ROBO2: variants seen among roughly 807,000 people sequenced by gnomAD.
ROBO2 encodes roundabout guidance receptor 2.
In ROBO2, 53 loss-of-function variants were observed where a neutral mutation model predicts 160.8. That is an observed-to-expected ratio of 0.33 (90% CI 0.26 to 0.41). ROBO2 has a LOEUF of 0.41. Among genes scored for constraint, ROBO2 ranks in the 10% least tolerant of loss-of-function variants. The pLI is 1.00. For synonymous variants in ROBO2, 664 were observed against 611.7 expected, an observed-to-expected ratio of 1.09 and a Z score of -1.26; for missense variants, 1,577 against 1,722.4, an observed-to-expected ratio of 0.92 and a Z score of 1.49.
chr3:76,817,555 G>C (rs1559552072), intron 2 of ROBO2, among the ~76,000 whole-genome samples: 14 of 151,952 alleles, frequency 9.2e-5, no homozygotes, highest in Admixed American at 9.2e-4. Context: ...ACATGAATAA[G>C]TTTTTGGTGG....
intron 2 of ROBO2, among the ~76,000 whole-genome samples, chr3:76,576,426 C>A (rs1177853269): frequency 6.6e-6 from 1 of 151,906 alleles, no homozygotes; most frequent in Non-Finnish European, 1.5e-5. Flanking sequence ...AGACTGTGAC[C>A]CTATATAAGC....
At chr3:76,018,702 A>G (rs185619918) in intron 2 of ROBO2, among the ~76,000 whole-genome samples, 1 of 152,096 alleles carries the variant, frequency 6.6e-6, no homozygotes, top group East Asian at 1.9e-4. Flanking sequence ...TAATATTTGC[A>G]TTATGGCCTC....
chr3:76,772,487 C>A (rs894421023), intron 2 of ROBO2, among the ~76,000 whole-genome samples: 3 of 147,028 alleles, frequency 2.0e-5, no homozygotes, highest in African/African-American at 7.5e-5. Flanking sequence ...TCTTCTCTCC[C>A]CACCCCTGAC....
intron 2 of ROBO2, among the ~76,000 whole-genome samples, chr3:76,352,196 A>G (rs1559808105): frequency 6.6e-6 from 1 of 151,934 alleles, no homozygotes; most frequent in Non-Finnish European, 1.5e-5. Flanking sequence ...TACTAATCTC[A>G]TGATCTCTAT....
Position 77,343,057 on chromosome 3 carries a change from G to GGA in ROBO2, c.389-134328_389-134327dup, listed in dbSNP as rs766199289. On this transcript the variant is annotated intron_variant, in intron 2 of 25. Transcript: ENST00000461745. Reference sequence around the variant, plus strand: ...CACATGACAAAGGGGATAGGTAGATGGAGAGAGAGAGAGAGAGAGAGAGAG... The same window carrying GGA: ...CACATGACAAAGGGGATAGGTAGATGGAGAGAGAGAGAGAGAGAGAGAGAGAG... 6.3e-3 allele frequency among the ~76,000 whole-genome samples: 402 copies of GGA among 63,702 alleles called. 1 individual carries two copies. Among genetic ancestry groups the GGA allele is most frequent in the South Asian group, 0.012 (24 of 2,062 alleles). The allele number at this position is 63,702 out of a possible 152,430, so 41.8% of individuals were successfully genotyped here.
intron 2 of ROBO2, among the ~76,000 whole-genome samples, chr3:76,431,223 C>T (rs1285281165): frequency 6.6e-6 from 1 of 151,474 alleles, no homozygotes; most frequent in Non-Finnish European, 1.5e-5. Context: ...ACACAATGGC[C>T]TTTTATTTGT....
intron 2 of ROBO2, among the ~76,000 whole-genome samples, chr3:76,822,412 CAATG>C (rs2066199560): frequency 6.6e-6 from 1 of 151,794 alleles, no homozygotes; most frequent in African/African-American, 2.4e-5. Context: ...ATTACTATAA[CAATG>C]AAAGAACTTA....
chr3:76,886,920 T>C (rs923977939), intron 2 of ROBO2, among the ~76,000 whole-genome samples: 2 of 152,300 alleles, frequency 1.3e-5, no homozygotes, highest in Non-Finnish European at 2.9e-5. Flanking sequence ...ATTCGAAGTG[T>C]TCAGTAGCCC....
intron 2 of ROBO2, among the ~76,000 whole-genome samples, chr3:76,623,933 G>A (rs1027684923): frequency 2.6e-5 from 4 of 151,860 alleles, no homozygotes; most frequent in Non-Finnish European, 5.9e-5. Context: ...TTTCTCATAA[G>A]ACTACATTTA....
intron 2 of ROBO2, among the ~76,000 whole-genome samples, chr3:77,292,499 A>T (rs1359621296): frequency 6.6e-6 from 1 of 151,850 alleles, no homozygotes; most frequent in Non-Finnish European, 1.5e-5. Flanking sequence ...AGCACTAAAG[A>T]CATAAAGTAA....
chr3:75,907,420 TC>T (rs1946394547), intron 1 of ROBO2, among the ~76,000 whole-genome samples: 1 of 152,030 alleles, frequency 6.6e-6, no homozygotes, highest in Admixed American at 6.6e-5. Flanking sequence ...TTGGGACTCT[TC>T]CTTTCCACCT....
chr3:77,358,572 T>A (rs1392012614), intron 2 of ROBO2, among the ~76,000 whole-genome samples: 1 of 152,224 alleles, frequency 6.6e-6, no homozygotes, highest in East Asian at 1.9e-4. Context: ...TTGAACTTGG[T>A]AGATATTGAG....
intron 7 of ROBO2, among the ~76,000 whole-genome samples, chr3:77,548,661 C>G (rs191899498): frequency 6.6e-6 from 1 of 151,894 alleles, no homozygotes; most frequent in Admixed American, 6.6e-5. Flanking sequence ...CTGTATTTGA[C>G]GAAGTGGCAT....
At chr3:77,125,088 T>G (rs2075186461) in intron 2 of ROBO2, among the ~76,000 whole-genome samples, 1 of 152,182 alleles carries the variant, frequency 6.6e-6, no homozygotes, top group Non-Finnish European at 1.5e-5. Context: ...ATTTAAATAA[T>G]GGCATGTCCC....
At chr3:77,560,349 G>T (rs2093280296) in intron 9 of ROBO2, among the ~76,000 whole-genome samples, 1 of 152,006 alleles carries the variant, frequency 6.6e-6, no homozygotes, top group Non-Finnish European at 1.5e-5. Context: ...CTCCTCACCA[G>T]AAAAAGACAT....
intron 2 of ROBO2, among the ~76,000 whole-genome samples, chr3:76,667,270 C>G (rs2092086912): frequency 1.3e-5 from 2 of 152,132 alleles, no homozygotes; most frequent in African/African-American, 4.8e-5. Flanking sequence ...CTGATAACAA[C>G]TTGCCAATCT....
intron 8 of ROBO2, among the ~76,000 whole-genome samples, chr3:77,557,110 T>C (rs1282461810): frequency 6.6e-6 from 1 of 151,908 alleles, no homozygotes; most frequent in Non-Finnish European, 1.5e-5. Context: ...GCTACTACGA[T>C]ACAGTTGTAT....
intron 2 of ROBO2, among the ~76,000 whole-genome samples, chr3:76,748,131 A>G (rs1017836734): frequency 1.1e-4 from 17 of 152,076 alleles, no homozygotes; most frequent in African/African-American, 3.1e-4. Flanking sequence ...AAACCAGCCT[A>G]TACCTTTCAA....
intron 2 of ROBO2, among the ~76,000 whole-genome samples, chr3:76,059,273 A>C (rs1162950665): frequency 6.6e-5 from 10 of 151,582 alleles, no homozygotes; most frequent in East Asian, 5.9e-4. Flanking sequence ...CCAACAGTGT[A>C]AAAGTGTTCC....
Sources: gnomAD v4.1 joint callset for allele counts (sites outside exome capture counted in the v4.1 genomes callset) on GRCh38, gnomAD v4.1.1 for gene constraint, MANE v1.5 for transcripts, NCBI Gene and HGNC (gene_info 2026-07-23, HGNC 2026-07-21) for gene names.